The following LRRC9 variants were observed in gnomAD, a reference collection of about 807,000 sequenced individuals.
The protein encoded by LRRC9 is leucine-rich repeat-containing protein 9.
Under a neutral mutation model 63.2 loss-of-function variants are expected in LRRC9, and 122 were observed. The ratio of observed to expected loss-of-function variants is 1.93; its 90% CI spans 1.67 to 2.24. LRRC9 has a LOEUF of 2.24. Ranked by LOEUF, LRRC9 falls within the 30% of genes most tolerant of loss-of-function variation. The probability of loss-of-function intolerance (pLI) is 0.00; values close to 1 mark genes in which losing one functional copy is unlikely to be tolerated. For synonymous variants in LRRC9, 366 were observed against 213.1 expected, an observed-to-expected ratio of 1.72 and a Z score of -6.25; for missense variants, 1,071 against 627.7, an observed-to-expected ratio of 1.71 and a Z score of -7.55.
chr14:59,955,859 C>T (rs950671139), intron 8 of LRRC9, among the ~76,000 whole-genome samples: 3 of 152,150 alleles, frequency 2.0e-5, no homozygotes, highest in African/African-American at 7.2e-5. Flanking sequence ...TCATTGGTTT[C>T]AAAGAACTTC....
chr14:59,920,988 G>A (rs1020374408), intron 1 of LRRC9, among the ~76,000 whole-genome samples: 4 of 152,186 alleles, frequency 2.6e-5, no homozygotes, highest in Non-Finnish European at 4.4e-5. Context: ...AGTGTGACAA[G>A]TGCTATACAA....
intron 13 of LRRC9, among the ~76,000 whole-genome samples, chr14:59,976,069 G>T (rs1201955482): frequency 6.6e-6 from 1 of 152,242 alleles, no homozygotes; most frequent in Non-Finnish European, 1.5e-5. Context: ...ACATGCGAGG[G>T]ATCTGGGTTG....
chr14:60,041,015 T>C (rs969957197), intron 29 of LRRC9, among the ~76,000 whole-genome samples: 1 of 151,984 alleles, frequency 6.6e-6, no homozygotes, highest in Non-Finnish European at 1.5e-5. Flanking sequence ...CCTTCACTTA[T>C]GAAGCTTAGT....
chr14:59,977,602 GT>G, intron 14 of LRRC9, among the ~76,000 whole-genome samples: 1 of 150,000 alleles, frequency 6.7e-6, no homozygotes, highest in South Asian at 2.1e-4. Context: ...GTGTGTGTGT[GT>G]TCATTTTCAA....
At chr14:59,944,866 T>TCA (rs3069510) in intron 8 of LRRC9, 122 bp downstream of exon 8, 783 of 379,768 alleles carry the variant, frequency 2.1e-3, no homozygotes, top group South Asian at 5.5e-3. Context: ...ACACACACAC[T>TCA]CACACACACA....
rs983968359 is a variant in LRRC9 at position 59,990,935 on chromosome 14, C to T, written c.2211+5711C>T. Among the ~76,000 whole-genome samples the T allele has an allele frequency of 1.3e-5, 2 of 152,174 alleles. No homozygotes were observed. Among genetic ancestry groups the T allele is most frequent in the Admixed American group, 1.3e-4 (2 of 15,276 alleles). On this transcript the variant is annotated intron_variant, in intron 17 of 31. Coordinates refer to ENST00000445360, the Ensembl canonical transcript of LRRC9. The surrounding 1 kb of genome is among the most constrained non-coding windows in gnomAD (Gnocchi z 4.2). ...TTGTGTTGATGGTGGTTTATCTCTA[C>T]CAACTTCTTTTGGAGCCTATAGAGC...
chr14:59,993,097 A>G (rs1888341192), intron 17 of LRRC9, among the ~76,000 whole-genome samples: 1 of 152,244 alleles, frequency 6.6e-6, no homozygotes, highest in African/African-American at 2.4e-5. Flanking sequence ...CCATCAGACT[A>G]ACAGCTGATC....
At position 60,058,140 on chromosome 14, in the gene LRRC9, G is replaced by A. The variant is rs1894416707; in HGVS notation, c.4276+118G>A. 8.8e-6 allele frequency: 4 copies of A among 457,068 alleles called. No individual in the cohort carries two copies. The highest frequency in any genetic ancestry group is 1.6e-5 in the Non-Finnish European group (4 of 253,082). 28.3% of individuals were successfully genotyped at this position (457,068 alleles called of 1,614,324 possible). ...TTTTTAACTTACATTTCCTAAAATTGCATGTTTGCTCAAGTTTCCTATGGC... is the reference window on the plus strand; with the variant it reads ...TTTTTAACTTACATTTCCTAAAATTACATGTTTGCTCAAGTTTCCTATGGC... On this transcript the variant is annotated intron_variant, in intron 31 of 31. Coordinates refer to ENST00000445360, the Ensembl canonical transcript of LRRC9. This position sits in a 1 kb window ranked among gnomAD's most constrained non-coding sequence, Gnocchi z 4.4.
At chr14:60,026,748 A>G (rs1891586131) in intron 27 of LRRC9, among the ~76,000 whole-genome samples, 2 of 152,058 alleles carry the variant, frequency 1.3e-5, no homozygotes. Flanking sequence ...CCATTTATTG[A>G]AGAGACTGTC....
chr14:60,036,604 T>C (rs541920406), intron 29 of LRRC9, among the ~76,000 whole-genome samples: 3 of 152,316 alleles, frequency 2.0e-5, no homozygotes, highest in Admixed American at 2.0e-4. Context: ...GGAGGTATAT[T>C]GCAAAGCTGG....
At chr14:60,061,008 G>C (rs1175043925) in intron 31 of LRRC9, among the ~76,000 whole-genome samples, 2 of 152,218 alleles carry the variant, frequency 1.3e-5, no homozygotes, top group Non-Finnish European at 1.5e-5. Flanking sequence ...GCAATCTCAT[G>C]ATCAAACTTG....
At chr14:59,963,780 A>G (rs1321657890) in intron 10 of LRRC9, among the ~76,000 whole-genome samples, 1 of 152,214 alleles carries the variant, frequency 6.6e-6, no homozygotes, top group Non-Finnish European at 1.5e-5. Flanking sequence ...GGAGCTACAT[A>G]AGCAGAAACT....
At chr14:59,968,111 G>A (rs1400886581) in intron 12 of LRRC9, among the ~76,000 whole-genome samples, 3 of 152,112 alleles carry the variant, frequency 2.0e-5, no homozygotes, top group Admixed American at 6.5e-5. Flanking sequence ...ATGAAATTCC[G>A]AAACTTCCTA....
rs1566790253 is a variant in LRRC9, at chr14:59,938,946, C to CACATATATACAT, written c.726+375_726+376insCATATATACATA. 2.0e-5 allele frequency among the ~76,000 whole-genome samples: 2 copies of CACATATATACAT among 97,918 alleles called. No individual in the cohort carries two copies. Among genetic ancestry groups the CACATATATACAT allele is most frequent in the African/African-American group, 4.0e-5 (1 of 24,848 alleles). 64.2% of individuals were successfully genotyped at this position (97,918 alleles called of 152,430 possible). On this transcript the variant is annotated intron_variant, in intron 7 of 31. Coordinates refer to ENST00000445360, the Ensembl canonical transcript of LRRC9. The surrounding 1 kb of genome is among the most constrained non-coding windows in gnomAD (Gnocchi z 4.2). ...ATATATATACACATATATACATATA[C>CACATATATACAT]ATACATATATACACACATATATACA... is the stretch of plus-strand genomic sequence containing the variant.
intron 7 of LRRC9, among the ~76,000 whole-genome samples, chr14:59,944,176 T>G (rs1882088031): frequency 6.6e-6 from 1 of 151,852 alleles, no homozygotes; most frequent in South Asian, 2.1e-4. Context: ...AAAAACGAAT[T>G]GAGTAATGTT....
At chr14:60,024,030 T>C (rs1891324364) in intron 27 of LRRC9, among the ~76,000 whole-genome samples, 1 of 152,202 alleles carries the variant, frequency 6.6e-6, no homozygotes, top group African/African-American at 2.4e-5. Context: ...CACATTTTCT[T>C]TATCCAGTCT....
At chr14:59,993,730 T>C (rs1180420229) in intron 17 of LRRC9, among the ~76,000 whole-genome samples, 1 of 152,126 alleles carries the variant, frequency 6.6e-6, no homozygotes, top group African/African-American at 2.4e-5. Flanking sequence ...CATTACAGAA[T>C]GGTAAAGGGA....
At chr14:60,023,302 T>A (rs1198357892) in intron 27 of LRRC9, among the ~76,000 whole-genome samples, 1 of 152,022 alleles carries the variant, frequency 6.6e-6, no homozygotes, top group African/African-American at 2.4e-5. Flanking sequence ...AAGTTCAGAC[T>A]ATGTATTACT....
chr14:60,055,684 C>T (rs909394640), intron 30 of LRRC9, among the ~76,000 whole-genome samples: 5 of 148,404 alleles, frequency 3.4e-5, no homozygotes, highest in African/African-American at 7.5e-5. Context: ...CTTGAGCCCA[C>T]GAGTTGGAGT....
Sources: gnomAD v4.1 joint callset for allele counts (sites outside exome capture counted in the v4.1 genomes callset) on GRCh38, gnomAD v4.1.1 for gene constraint, Gnocchi (gnomAD v3.1) non-coding constraint, MANE v1.5 for transcripts, NCBI Gene and HGNC (gene_info 2026-07-23, HGNC 2026-07-21) for gene names.